AOPEP: variants seen among roughly 807,000 people sequenced by gnomAD.
The protein encoded by AOPEP is aminopeptidase O (putative).
Under a neutral mutation model 98.1 loss-of-function variants are expected in AOPEP, and 77 were observed. That is an observed-to-expected ratio of 0.78 (90% CI 0.65 to 0.95). The LOEUF (loss-of-function observed/expected upper bound fraction) is 0.95, where lower values mean the gene tolerates loss of function less well. AOPEP is among the 40% of genes least tolerant of loss of function. AOPEP has a pLI of 0.00. For synonymous variants in AOPEP, 346 were observed against 365.3 expected (o/e 0.95, Z 0.60); for missense variants, 1,024 against 1,024.7 (o/e 1.00, Z 0.01).
At chr9:95,021,460 T>C (rs1184039339) in intron 13 of AOPEP, among the ~76,000 whole-genome samples, 1 of 152,224 alleles carries the variant, frequency 6.6e-6, no homozygotes, top group Non-Finnish European at 1.5e-5. Flanking sequence ...TGAGTCTTTA[T>C]TGAAGATTAA....
At chr9:94,945,485 G>C (rs7871699) in intron 7 of AOPEP, among the ~76,000 whole-genome samples, 6,920 of 152,248 alleles carry the variant, frequency 0.045, 225 homozygotes, top group Non-Finnish European at 0.07. Flanking sequence ...AGAGCACACT[G>C]TTGCTGGCAA....
intron 13 of AOPEP, among the ~76,000 whole-genome samples, chr9:95,058,775 C>T (rs1044836458): frequency 9.9e-5 from 15 of 152,170 alleles, no homozygotes; most frequent in Non-Finnish European, 1.6e-4. Flanking sequence ...GAAGAGGGCT[C>T]AAGGGCTGGA....
intron 13 of AOPEP, among the ~76,000 whole-genome samples, chr9:95,006,513 A>G (rs947340136): frequency 4.6e-5 from 7 of 152,188 alleles, no homozygotes; most frequent in Non-Finnish European, 1.0e-4. Context: ...CACAAAGCAC[A>G]TCAGAATAAA....
intron 12 of AOPEP, 47 bp from the exon 13 acceptor site, chr9:95,005,495 C>G (rs749129703): frequency 3.2e-6 from 5 of 1,550,852 alleles, no homozygotes; most frequent in Admixed American, 1.7e-5. Flanking sequence ...GGATGGCCGT[C>G]AGGACCCTGT....
chr9:94,844,040 A>G (rs1156549856), intron 5 of AOPEP, among the ~76,000 whole-genome samples: 1 of 152,024 alleles, frequency 6.6e-6, no homozygotes, highest in Non-Finnish European at 1.5e-5. Context: ...TATTTTCTTA[A>G]AGGAGGATAT....
At chr9:95,112,876 G>A in the AOPEP span, among the ~76,000 whole-genome samples, 4 of 152,230 alleles carry the variant, frequency 2.6e-5, no homozygotes, top group African/African-American at 9.6e-5. Context: ...CACCACATGC[G>A]CCCTTTCTGG....
intron 5 of AOPEP, among the ~76,000 whole-genome samples, chr9:94,851,148 C>T (rs887376966): frequency 7.2e-5 from 11 of 152,188 alleles, no homozygotes; most frequent in Admixed American, 6.5e-4. Flanking sequence ...GACCCATCGT[C>T]GCTTAGGCCA....
At chr9:94,873,825 G>A (rs2046613849) in intron 5 of AOPEP, among the ~76,000 whole-genome samples, 1 of 152,048 alleles carries the variant, frequency 6.6e-6, no homozygotes, top group Admixed American at 6.6e-5. Context: ...AAATTTTCAG[G>A]TAGTAGAAGT....
At chr9:94,912,219 G>A (rs773895850) in intron 5 of AOPEP, among the ~76,000 whole-genome samples, 54 of 152,156 alleles carry the variant, frequency 3.5e-4, no homozygotes, top group African/African-American at 1.3e-3. Context: ...CCCAAAGACC[G>A]AGTTCTTAAA....
At chr9:95,111,413 C>G in the AOPEP span, 1 of 1,599,600 alleles carries the variant, frequency 6.3e-7, no homozygotes, top group Admixed American at 1.7e-5. Flanking sequence ...AAGCTCCTCT[C>G]AGCCCCCCAG....
intron 11 of AOPEP, among the ~76,000 whole-genome samples, chr9:94,989,293 G>A (rs561744161): frequency 1.4e-4 from 22 of 152,066 alleles, no homozygotes; most frequent in Middle Eastern, 3.4e-3. Flanking sequence ...TAGTAGAGAC[G>A]GGGTTTCACT....
At chr9:94,727,297 G>A (rs1254926126) in intron 1 of AOPEP, among the ~76,000 whole-genome samples, 1 of 152,176 alleles carries the variant, frequency 6.6e-6, no homozygotes, top group Admixed American at 6.5e-5. Context: ...ATGCATGGGC[G>A]GGGAGGGGGT....
At chr9:95,084,971 T>C (rs1213244263) in intron 16 of AOPEP, among the ~76,000 whole-genome samples, 1 of 152,230 alleles carries the variant, frequency 6.6e-6, no homozygotes, top group African/African-American at 2.4e-5. Context: ...TTAGCAATTG[T>C]GTGTGTCGCA....
chr9:94,917,107 G>T (rs766283896), intron 5 of AOPEP, among the ~76,000 whole-genome samples: 1 of 152,180 alleles, frequency 6.6e-6, no homozygotes, highest in Non-Finnish European at 1.5e-5. Flanking sequence ...GGCAGGTGAG[G>T]CCAACTCCTG....
At chr9:94,971,127 T>C (rs2059509504) in intron 10 of AOPEP, among the ~76,000 whole-genome samples, 1 of 152,120 alleles carries the variant, frequency 6.6e-6, no homozygotes, top group Non-Finnish European at 1.5e-5. Context: ...AACCTGGATT[T>C]TATCATTGTG....
intron 5 of AOPEP, among the ~76,000 whole-genome samples, chr9:94,805,193 GTA>G (rs1848988020): frequency 6.6e-6 from 1 of 150,954 alleles, no homozygotes; most frequent in Admixed American, 6.6e-5. Context: ...TCTTGGGACC[GTA>G]GATACCTATA....
chr9:95,043,098 C>T (rs1176411783), intron 13 of AOPEP, among the ~76,000 whole-genome samples: 2 of 100,170 alleles, frequency 2.0e-5, no homozygotes, highest in East Asian at 5.9e-4. Context: ...CAAACTGAGA[C>T]CCCCCAGCCA....
chr9:95,092,197 C>G, the AOPEP span, among the ~76,000 whole-genome samples: 22 of 152,274 alleles, frequency 1.4e-4, no homozygotes, highest in African/African-American at 5.1e-4. Context: ...GGAACCAGAC[C>G]GGTCCCTGCG....
chr9:94,750,392 T>A (rs1835406375), intron 1 of AOPEP, among the ~76,000 whole-genome samples: 1 of 152,112 alleles, frequency 6.6e-6, no homozygotes, highest in Admixed American at 6.6e-5. Context: ...GAGACCATCC[T>A]GGCCAACATG....
Sources: allele counts gnomAD v4.1 joint callset (sites outside exome capture counted in the v4.1 genomes callset), GRCh38; gene constraint gnomAD v4.1.1; transcripts MANE v1.5; gene names NCBI Gene and HGNC (gene_info 2026-07-23, HGNC 2026-07-21).